Variants in CADM2 observed in about 807,000 individuals in gnomAD.
The protein encoded by CADM2 is cell adhesion molecule 2.
CADM2 carries 12 observed loss-of-function variants against 49.8 expected under a neutral mutation model. That is an observed-to-expected ratio of 0.24 (90% CI 0.15 to 0.39). The LOEUF is 0.39. Ranked by LOEUF, CADM2 falls within the 10% of genes least tolerant of loss-of-function variation. The probability of loss-of-function intolerance (pLI) is 1.00; values close to 1 mark genes in which losing one functional copy is unlikely to be tolerated. For synonymous variants in CADM2, 214 were observed against 175.4 expected, an observed-to-expected ratio of 1.22 and a Z score of -1.74; for missense variants, 378 against 492.3, an observed-to-expected ratio of 0.77 and a Z score of 2.20.
chr3:85,860,347 A>T (rs531816535), intron 3 of CADM2, among the ~76,000 whole-genome samples: 1 of 152,296 alleles, frequency 6.6e-6, no homozygotes, highest in African/African-American at 2.4e-5. Flanking sequence ...TAAGATAAAT[A>T]ATAGGTAATA....
At chr3:85,168,476 T>G (rs1483418056) in intron 1 of CADM2, among the ~76,000 whole-genome samples, 1 of 152,242 alleles carries the variant, frequency 6.6e-6, no homozygotes, top group East Asian at 1.9e-4. Context: ...ATATTTGTTA[T>G]AATTATTTAA....
chr3:85,164,013 G>T (rs772919483), intron 1 of CADM2, among the ~76,000 whole-genome samples: 2 of 151,912 alleles, frequency 1.3e-5, no homozygotes, highest in Non-Finnish European at 2.9e-5. Context: ...GTCCAGAATA[G>T]AAATGACTTT....
At chr3:85,693,576 AAAAAAAAAGAAAAG>A (rs2066454947) in intron 1 of CADM2, among the ~76,000 whole-genome samples, 3 of 146,786 alleles carry the variant, frequency 2.0e-5, no homozygotes, top group African/African-American at 7.5e-5. Context: ...CAAAAAAAAA[AAAAAAAAAGAAAAG>A]AAAAAATCAG....
At chr3:85,413,226 G>A (rs190129421) in intron 1 of CADM2, among the ~76,000 whole-genome samples, 74 of 146,942 alleles carry the variant, frequency 5.0e-4, no homozygotes, top group Middle Eastern at 3.6e-3. Flanking sequence ...TTTCTTCACA[G>A]TTTATTAACA....
chr3:85,387,698 A>G (rs1292312999), intron 1 of CADM2, among the ~76,000 whole-genome samples: 1 of 152,170 alleles, frequency 6.6e-6, no homozygotes, highest in Non-Finnish European at 1.5e-5. Flanking sequence ...ATTTGCTATT[A>G]TTTTGAAATA....
intron 1 of CADM2, among the ~76,000 whole-genome samples, chr3:85,570,946 A>AT (rs929730218): frequency 1.4e-4 from 22 of 152,064 alleles, no homozygotes; most frequent in East Asian, 3.9e-4. Context: ...GAACTACCTG[A>AT]TTTTTTTTCA....
chr3:85,562,491 A>AG (rs2062124987), intron 1 of CADM2, among the ~76,000 whole-genome samples: 1 of 151,236 alleles, frequency 6.6e-6, no homozygotes, highest in Admixed American at 6.6e-5. Flanking sequence ...AAAAAAAAAA[A>AG]AAAAAAAAAA....
At chr3:85,818,891 T>G (rs2073383839) in intron 3 of CADM2, among the ~76,000 whole-genome samples, 1 of 141,486 alleles carries the variant, frequency 7.1e-6, no homozygotes, top group South Asian at 2.1e-4. Flanking sequence ...ACAGAACTAA[T>G]AGGATAGACG....
chr3:86,036,513 C>T (rs558693668), intron 8 of CADM2, among the ~76,000 whole-genome samples: 1 of 152,218 alleles, frequency 6.6e-6, no homozygotes, highest in African/African-American at 2.4e-5. Flanking sequence ...CATTTCTTTT[C>T]CTAGACTCTC....
intron 1 of CADM2, among the ~76,000 whole-genome samples, chr3:85,214,126 C>T (rs1239583749): frequency 2.0e-5 from 3 of 151,830 alleles, no homozygotes; most frequent in Non-Finnish European, 2.9e-5. Flanking sequence ...TCTTTGGTCA[C>T]AGTAGCCATA....
intron 8 of CADM2, among the ~76,000 whole-genome samples, chr3:85,987,590 A>G (rs1728266166): frequency 6.8e-6 from 1 of 147,478 alleles, no homozygotes; most frequent in Non-Finnish European, 1.5e-5. Context: ...TAAAATAAAT[A>G]AAATTGTTAT....
At chr3:84,986,580 A>G (rs563599317) in intron 1 of CADM2, among the ~76,000 whole-genome samples, 5 of 151,950 alleles carry the variant, frequency 3.3e-5, no homozygotes, top group African/African-American at 1.2e-4. Flanking sequence ...AGGAAGGGGA[A>G]CATCACACTC....
rs969306645 is a variant in CADM2 at position 85,093,401 on chromosome 3, C to T, written c.61+133733C>T. ...TGGTGCACACCTGTAGTCCCAGCTACTCGGGAGGCTGAGGCAGGAGAATCA... is the reference window on the plus strand; with the variant it reads ...TGGTGCACACCTGTAGTCCCAGCTATTCGGGAGGCTGAGGCAGGAGAATCA... On this transcript the variant is annotated intron_variant, in intron 1 of 9. Coordinates refer to ENST00000383699, the MANE Select transcript of CADM2 (RefSeq NM_001167675.2). Among the ~76,000 whole-genome samples the T allele has an allele frequency of 4.0e-4, 60 of 151,746 alleles. No homozygotes were observed. The Middle Eastern group carries it at 0.014, about 35-fold the overall frequency.
intron 1 of CADM2, among the ~76,000 whole-genome samples, chr3:85,521,022 G>A (rs1202541314): frequency 1.3e-5 from 2 of 152,046 alleles, no homozygotes; most frequent in African/African-American, 2.4e-5. Context: ...TTGCCATGAA[G>A]TTACATGATA....
chr3:85,883,343 T>C lies in CADM2; in HGVS notation c.291T>C (p.Ser97=). 6.2e-7 allele frequency: 1 copy of C among 1,613,788 alleles called. No individual in the cohort carries two copies. The highest frequency in any genetic ancestry group is 8.5e-7 in the Non-Finnish European group (1 of 1,179,858). Residue 97 remains serine (S), a synonymous_variant, in exon 4 of 10, where the codon AGT becomes AGC. Coordinates refer to ENST00000383699, the MANE Select transcript of CADM2 (RefSeq NM_001167675.2). ...ELVRASWHEL[S]ISVSDVSLSD... ...TTCGCGCTTCCTGGCATGAATTGAG[T>C]ATTAGTGTCAGTGATGTGTCTCTCT...
At chr3:86,047,826 G>A (rs1349025830) in intron 8 of CADM2, among the ~76,000 whole-genome samples, 2 of 152,246 alleles carry the variant, frequency 1.3e-5, no homozygotes, top group African/African-American at 4.8e-5. Context: ...CAAATCTGGG[G>A]TCTTAGACAA....
chr3:85,691,472 C>G (rs957198971), intron 1 of CADM2, among the ~76,000 whole-genome samples: 15 of 152,150 alleles, frequency 9.9e-5, no homozygotes, highest in African/African-American at 3.4e-4. Context: ...AGAACAACAA[C>G]TACCCTATAG....
intron 8 of CADM2, among the ~76,000 whole-genome samples, chr3:86,005,663 G>T (rs896884252): frequency 1.1e-4 from 16 of 152,056 alleles, no homozygotes; most frequent in African/African-American, 3.1e-4. Context: ...GGGGAATGGG[G>T]TATCCATTCC....
At position 85,323,083 on chromosome 3, in the gene CADM2, A is replaced by G. The variant is rs1335996989; in HGVS notation, c.61+363415A>G. On this transcript the variant is annotated intron_variant, in intron 1 of 9. Coordinates refer to ENST00000383699, the MANE Select transcript of CADM2 (RefSeq NM_001167675.2). ...CAAAACTGTTTTCTTTTTTTCCGTC[A>G]GTCTTTTTCACTCCTCTAACATCCT... 2.0e-5 allele frequency among the ~76,000 whole-genome samples: 3 copies of G among 152,076 alleles called. No homozygotes were observed. In the East Asian group the frequency reaches 5.8e-4, roughly 29 times the overall value.
Sources: allele counts gnomAD v4.1 joint callset (sites outside exome capture counted in the v4.1 genomes callset), GRCh38; gene constraint gnomAD v4.1.1; transcripts MANE v1.5; gene names NCBI Gene and HGNC (gene_info 2026-07-23, HGNC 2026-07-21).